The following NCOA2 variants were observed in gnomAD, a reference collection of about 807,000 sequenced individuals.
The protein encoded by NCOA2 is nuclear receptor coactivator 2.
NCOA2 carries 21 observed loss-of-function variants against 145.1 expected under a neutral mutation model. The observed-to-expected ratio is 0.14, with a 90% CI of 0.10 to 0.21. The LOEUF is 0.21. NCOA2 is among the 10% of genes least tolerant of loss of function. The probability of loss-of-function intolerance (pLI) is 1.00; values close to 1 mark genes in which losing one functional copy is unlikely to be tolerated. For missense variants in NCOA2, 1,472 were observed against 1,837.6 expected (o/e 0.80, Z 3.64); for synonymous variants, 619 against 637.5 (o/e 0.97, Z 0.44).
At chr8:70,351,514 AT>A (rs2130824933) in intron 1 of NCOA2, among the ~76,000 whole-genome samples, 1 of 151,956 alleles carries the variant, frequency 6.6e-6, no homozygotes, top group African/African-American at 2.4e-5. Context: ...ATATCAACCA[AT>A]TTCAATAATT....
Position 70,148,423 on chromosome 8 carries a change from G to A in NCOA2, c.2455C>T (p.Pro819Ser), listed in dbSNP as rs754508803. 5.6e-6 allele frequency: 9 copies of A among 1,613,864 alleles called. No individual in the cohort carries two copies. The East Asian group carries it at 1.8e-4, about 32-fold the overall frequency. ...ILDDLQNSQLPQLFPDTRPGA... is the reference protein window; with the variant it reads ...ILDDLQNSQLSQLFPDTRPGA... ...GGCCTCGTGTCTGGGAAAAGCTGTGGTAATTGACTATTCTGCAAATCATCC... is the reference window on the plus strand; with the variant it reads ...GGCCTCGTGTCTGGGAAAAGCTGTGATAATTGACTATTCTGCAAATCATCC... The change falls in exon 12 of 23, where the codon CCA (proline) becomes TCA (serine). Residue 819 changes from proline (P) to serine (S), a missense_variant. Physicochemically the swap from Pro to Ser is moderately conservative, Grantham distance 74 (BLOSUM62 -1). Around this residue, in one of 4 missense-constraint regions of NCOA2, gnomAD observed 953 missense variants for 1,062.1 expected, o/e 0.90. Transcript: ENST00000452400.
intron 16 of NCOA2, 25 bp from the exon 17 acceptor site, chr8:70,129,005 A>T: frequency 1.3e-6 from 2 of 1,564,894 alleles, no homozygotes; most frequent in South Asian, 2.3e-5. Flanking sequence ...CCAAATAACA[A>T]ACAAATAATT....
intron 2 of NCOA2, chr8:70,273,792 C>A: frequency 1.7e-6 from 1 of 581,866 alleles, no homozygotes; most frequent in Admixed American, 1.9e-5. Context: ...TGATGAAGTT[C>A]CAGATCTTGT....
chr8:70,267,934 C>G (rs1824744658), intron 2 of NCOA2, among the ~76,000 whole-genome samples: 1 of 152,152 alleles, frequency 6.6e-6, no homozygotes, highest in Non-Finnish European at 1.5e-5. Flanking sequence ...ATTCCTCTTT[C>G]ACAAAATCGT....
chr8:70,177,223 G>A (rs1042215720), intron 4 of NCOA2, among the ~76,000 whole-genome samples: 4 of 152,156 alleles, frequency 2.6e-5, no homozygotes, highest in African/African-American at 9.7e-5. Context: ...AATGTGCAGT[G>A]GGAACACACA....
chr8:70,451,217 CAA>C, the NCOA2 span, among the ~76,000 whole-genome samples: 1,825 of 65,274 alleles, frequency 0.028, 42 homozygotes, highest in Admixed American at 0.11. Context: ...GACTCCGTCT[CAA>C]AAAAAAAAAA....
intron 1 of NCOA2, among the ~76,000 whole-genome samples, chr8:70,335,887 T>C (rs1807542057): frequency 6.6e-6 from 1 of 152,328 alleles, no homozygotes; most frequent in South Asian, 2.1e-4. Context: ...TACCGAATAC[T>C]GTGGGCAACT....
chr8:70,390,196 G>C (rs1813060513), intron 1 of NCOA2, among the ~76,000 whole-genome samples: 1 of 152,084 alleles, frequency 6.6e-6, no homozygotes, highest in Admixed American at 6.5e-5. Context: ...TTTCTATCCT[G>C]GGGTTGGGAG....
chr8:70,194,391 T>C (rs1817034729), intron 4 of NCOA2, among the ~76,000 whole-genome samples: 1 of 152,188 alleles, frequency 6.6e-6, no homozygotes, highest in Non-Finnish European at 1.5e-5. Flanking sequence ...ACAGTGACTA[T>C]CTGCAAAGTC....
chr8:70,400,636 T>C (rs1057417839), intron 1 of NCOA2, among the ~76,000 whole-genome samples: 1 of 152,204 alleles, frequency 6.6e-6, no homozygotes. Flanking sequence ...AGTCTAAGTG[T>C]TTGGTTTACC....
intron 2 of NCOA2, among the ~76,000 whole-genome samples, chr8:70,278,144 T>C (rs547253668): frequency 1.3e-5 from 2 of 152,356 alleles, no homozygotes; most frequent in African/African-American, 4.8e-5. Context: ...ACATTTCATA[T>C]AAATGGAATC....
chr8:70,416,318 C>A, the NCOA2 span, among the ~76,000 whole-genome samples: 3 of 151,520 alleles, frequency 2.0e-5, no homozygotes, highest in African/African-American at 7.3e-5. Flanking sequence ...TTTGGCCAAA[C>A]AACTGGGCAC....
At chr8:70,396,723 T>G (rs977968646) in intron 1 of NCOA2, among the ~76,000 whole-genome samples, 16 of 152,230 alleles carry the variant, frequency 1.1e-4, no homozygotes, top group African/African-American at 3.9e-4. Flanking sequence ...TAAGCCCTCC[T>G]TAAGGCAACA....
chr8:70,441,986 GAGAA>G, the NCOA2 span, among the ~76,000 whole-genome samples: 2 of 128,750 alleles, frequency 1.6e-5, no homozygotes, highest in East Asian at 2.2e-4. Context: ...AGAGGAAAGA[GAGAA>G]AGAAAGGAAA....
At chr8:70,379,425 T>C (rs894332980) in intron 1 of NCOA2, among the ~76,000 whole-genome samples, 9 of 152,212 alleles carry the variant, frequency 5.9e-5, no homozygotes, top group Non-Finnish European at 1.2e-4. Flanking sequence ...TGTGGTTTCA[T>C]ACAATCTTTT....
At chr8:70,291,054 T>C (rs545290694) in intron 2 of NCOA2, among the ~76,000 whole-genome samples, 2 of 152,254 alleles carry the variant, frequency 1.3e-5, no homozygotes, top group African/African-American at 4.8e-5. Context: ...TGTGAAATTC[T>C]ACTTGTCACA....
At chr8:70,429,086 A>G in the NCOA2 span, among the ~76,000 whole-genome samples, 338 of 152,338 alleles carry the variant, frequency 2.2e-3, no homozygotes, top group Non-Finnish European at 4.5e-3. Context: ...ATGCCAAAAC[A>G]TATTTGTCTG....
chr8:70,170,457 CT>C, intron 5 of NCOA2, 78 bp from the exon 6 acceptor site: 1 of 1,243,768 alleles, frequency 8.0e-7, no homozygotes, highest in Non-Finnish European at 1.1e-6. Context: ...GGAATGATCC[CT>C]TTCAAGGAAA....
intron 1 of NCOA2, among the ~76,000 whole-genome samples, chr8:70,301,976 C>T (rs1333898554): frequency 2.0e-5 from 3 of 152,080 alleles, no homozygotes; most frequent in Admixed American, 6.6e-5. Context: ...CCATAGTGTA[C>T]ACTCATAATA....
Sources: allele counts gnomAD v4.1 joint callset (sites outside exome capture counted in the v4.1 genomes callset), GRCh38; gene constraint gnomAD v4.1.1; regional missense constraint gnomAD v4.1.1; transcripts MANE v1.5; gene names NCBI Gene and HGNC (gene_info 2026-07-23, HGNC 2026-07-21).